NTRK2: variants seen among roughly 807,000 people sequenced by gnomAD.
The protein encoded by NTRK2 is BDNF/NT-3 growth factors receptor.
A neutral mutation model predicts 94.5 loss-of-function variants in NTRK2; 13 were observed. The observed-to-expected ratio is 0.14, with a 90% confidence interval of 0.09 to 0.22. NTRK2 has a LOEUF of 0.22. Ranked by LOEUF, NTRK2 falls within the 10% of genes least tolerant of loss-of-function variation. The pLI, the probability that NTRK2 is intolerant of heterozygous loss-of-function variation, is 1.00. For synonymous variants in NTRK2, 372 were observed against 407.4 expected, an observed-to-expected ratio of 0.91 and a Z score of 1.05; for missense variants, 639 against 1,071.2, an observed-to-expected ratio of 0.60 and a Z score of 5.63.
intron 12 of NTRK2, among the ~76,000 whole-genome samples, chr9:84,760,588 A>G (rs1407762080): frequency 6.6e-6 from 1 of 152,234 alleles, no homozygotes; most frequent in Non-Finnish European, 1.5e-5. Context: ...TTAATACACT[A>G]TGTGTGAATT....
intron 12 of NTRK2, among the ~76,000 whole-genome samples, chr9:84,834,210 G>C (rs2073739532): frequency 6.6e-6 from 1 of 152,136 alleles, no homozygotes; most frequent in South Asian, 2.1e-4. Context: ...TTGAATTTTA[G>C]ATAAACAAGA....
At chr9:84,986,197 GC>G (rs1252072038) in intron 17 of NTRK2, among the ~76,000 whole-genome samples, 1 of 152,002 alleles carries the variant, frequency 6.6e-6, no homozygotes, top group Non-Finnish European at 1.5e-5. Context: ...CACTCCCGCT[GC>G]CCCCCGACCC....
intron 17 of NTRK2, among the ~76,000 whole-genome samples, chr9:84,990,173 C>T (rs568089083): frequency 3.0e-4 from 45 of 150,594 alleles, no homozygotes; most frequent in African/African-American, 1.1e-3. Flanking sequence ...AAAGGCCAGG[C>T]GGATATTCAT....
chr9:84,971,933 A>T (rs1405279377), intron 17 of NTRK2, among the ~76,000 whole-genome samples: 2 of 152,200 alleles, frequency 1.3e-5, no homozygotes, highest in Non-Finnish European at 2.9e-5. Flanking sequence ...GAATAACTGG[A>T]CAGTTGGTGT....
intron 12 of NTRK2, among the ~76,000 whole-genome samples, chr9:84,757,301 C>G (rs1161010306): frequency 6.6e-6 from 1 of 152,128 alleles, no homozygotes; most frequent in Admixed American, 6.5e-5. Context: ...ACCATTTCCA[C>G]TCCTAGAAAT....
chr9:84,767,402 C>G (rs1009382285), intron 12 of NTRK2, among the ~76,000 whole-genome samples: 1 of 152,150 alleles, frequency 6.6e-6, no homozygotes, highest in East Asian at 1.9e-4. Flanking sequence ...TTTTAAGACT[C>G]AAGATTTTTG....
intron 12 of NTRK2, among the ~76,000 whole-genome samples, chr9:84,836,710 T>C (rs2073890985): frequency 6.7e-6 from 1 of 148,500 alleles, no homozygotes; most frequent in African/African-American, 2.5e-5. Flanking sequence ...GTTCATACAG[T>C]GATTATCACT....
intron 4 of NTRK2, among the ~76,000 whole-genome samples, chr9:84,706,521 G>GTTT (rs1173199220): frequency 0.19 from 18,019 of 92,914 alleles, 3,806 homozygotes; most frequent in Non-Finnish European, 0.23. Context: ...GTTATTTTTT[G>GTTT]TTTTTGTTTT....
intron 14 of NTRK2, among the ~76,000 whole-genome samples, chr9:84,868,689 G>C (rs1031430853): frequency 6.6e-5 from 10 of 152,116 alleles, no homozygotes; most frequent in African/African-American, 2.4e-4. Flanking sequence ...GGTGAGTAGA[G>C]GCATTGCTTA....
intron 14 of NTRK2, among the ~76,000 whole-genome samples, chr9:84,906,094 G>C (rs2077068105): frequency 6.6e-6 from 1 of 152,200 alleles, no homozygotes; most frequent in Non-Finnish European, 1.5e-5. Context: ...GAGCTGTGGG[G>C]CTGGAGCTGT....
intron 11 of NTRK2, among the ~76,000 whole-genome samples, chr9:84,751,065 A>G (rs938405010): frequency 6.6e-6 from 1 of 152,184 alleles, no homozygotes; most frequent in African/African-American, 2.4e-5. Flanking sequence ...GAAAATGCAC[A>G]TATCATAAAT....
At chr9:84,918,163 T>C (rs1221785089) in intron 14 of NTRK2, among the ~76,000 whole-genome samples, 2 of 152,216 alleles carry the variant, frequency 1.3e-5, no homozygotes, top group African/African-American at 2.4e-5. Context: ...TTCATTCTTT[T>C]GCTTTGGAGC....
chr9:84,807,943 G>A (rs956213557), intron 12 of NTRK2, among the ~76,000 whole-genome samples: 2 of 152,200 alleles, frequency 1.3e-5, no homozygotes, highest in African/African-American at 4.8e-5. Flanking sequence ...GGGGGTGGAA[G>A]TGATAGTTTG....
chr9:84,770,066 C>T (rs2066390754), intron 12 of NTRK2, among the ~76,000 whole-genome samples: 1 of 151,376 alleles, frequency 6.6e-6, no homozygotes, highest in Non-Finnish European at 1.5e-5. Context: ...CATATGTTTG[C>T]TTCTGAGGGT....
chr9:84,739,789 G>T (rs923646938), intron 9 of NTRK2, among the ~76,000 whole-genome samples: 1 of 152,196 alleles, frequency 6.6e-6, no homozygotes, highest in Non-Finnish European at 1.5e-5. Flanking sequence ...GTGGCTGGGA[G>T]TGTCCCCGTT....
intron 14 of NTRK2, among the ~76,000 whole-genome samples, chr9:84,904,247 T>A (rs1440771436): frequency 6.6e-6 from 1 of 152,226 alleles, no homozygotes; most frequent in Non-Finnish European, 1.5e-5. Context: ...TTAATGGAAT[T>A]TGCAGAGAAC....
At chr9:84,732,325 C>T (rs775245945) in intron 9 of NTRK2, among the ~76,000 whole-genome samples, 4 of 152,158 alleles carry the variant, frequency 2.6e-5, no homozygotes, top group Non-Finnish European at 5.9e-5. Context: ...CTTTTTGTCA[C>T]TATTTTGTTT....
intron 9 of NTRK2, among the ~76,000 whole-genome samples, chr9:84,728,959 T>C (rs2062651537): frequency 6.6e-6 from 1 of 152,332 alleles, no homozygotes; most frequent in East Asian, 1.9e-4. Context: ...TTGGGAGCTG[T>C]ACATGAATAG....
chr9:84,966,742 A>G (rs984914616), intron 17 of NTRK2, among the ~76,000 whole-genome samples: 3 of 151,864 alleles, frequency 2.0e-5, no homozygotes, highest in African/African-American at 7.3e-5. Flanking sequence ...GTGTAGAGCT[A>G]TTATATAGGC....
Sources: gnomAD v4.1 joint callset for allele counts (sites outside exome capture counted in the v4.1 genomes callset) on GRCh38, gnomAD v4.1.1 for gene constraint, MANE v1.5 for transcripts, NCBI Gene and HGNC (gene_info 2026-07-23, HGNC 2026-07-21) for gene names.